Variants in RBFOX1 observed in about 807,000 individuals in gnomAD.
RBFOX1 encodes RNA binding fox-1 homolog 1.
In RBFOX1, 8 loss-of-function variants were observed where a neutral mutation model predicts 57.7. That is an observed-to-expected ratio of 0.14 (90% confidence interval 0.08 to 0.25). RBFOX1 has a LOEUF of 0.25. RBFOX1 is among the 10% of genes least tolerant of loss of function. The pLI, the probability that RBFOX1 is intolerant of heterozygous loss-of-function variation, is 1.00. For missense variants in RBFOX1, 611 were observed against 548.5 expected (o/e 1.11, Z -1.14); for synonymous variants, 326 against 222.4 (o/e 1.47, Z -4.15).
Position 6,534,906 on chromosome 16 carries a change from C to G in RBFOX1, c.-63-119697C>G, listed in dbSNP as rs556980339. ...GTCCAATGAGGCATATCCTAGTGGT[C>G]AAGCCTGGTCATATGTGCGCATTCA... is the stretch of plus-strand genomic sequence containing the variant. On this transcript the variant is annotated intron_variant, in intron 2 of 15. Transcript: ENST00000550418. Among the ~76,000 whole-genome samples the G allele has an allele frequency of 5.3e-4, 80 of 152,274 alleles. 1 individual carries two copies. Among genetic ancestry groups the G allele is most frequent in the Middle Eastern group, 6.8e-3 (2 of 294 alleles).
At chr16:5,972,321 A>C (rs1051607521) in intron 4 of RBFOX1, among the ~76,000 whole-genome samples, 1 of 152,242 alleles carries the variant, frequency 6.6e-6, no homozygotes, top group African/African-American at 2.4e-5. Context: ...TACACATGGA[A>C]AAAGAATTCC....
intron 5 of RBFOX1, among the ~76,000 whole-genome samples, chr16:7,557,907 A>G (rs2152632590): frequency 6.6e-6 from 1 of 152,280 alleles, no homozygotes; most frequent in East Asian, 1.9e-4. Flanking sequence ...ACACAGAGTT[A>G]GGAAAAAATA....
At chr16:5,344,752 A>T (rs2018842205) in intron 1 of RBFOX1, among the ~76,000 whole-genome samples, 1 of 152,210 alleles carries the variant, frequency 6.6e-6, no homozygotes, top group Admixed American at 6.5e-5. Context: ...ATATAACTTC[A>T]TGAAAAAAGT....
intron 5 of RBFOX1, among the ~76,000 whole-genome samples, chr16:7,560,817 CT>C (rs1462585724): frequency 6.6e-6 from 1 of 152,138 alleles, no homozygotes; most frequent in Admixed American, 6.5e-5. Flanking sequence ...AGAGTTTGGA[CT>C]TTTTTAGGGG....
intron 3 of RBFOX1, among the ~76,000 whole-genome samples, chr16:5,819,954 C>G (rs2055785928): frequency 1.3e-5 from 2 of 152,180 alleles, no homozygotes; most frequent in Admixed American, 6.5e-5. Flanking sequence ...TCGCATCCCA[C>G]TCTGTTGAGG....
At chr16:6,351,212 G>A (rs184836656) in intron 2 of RBFOX1, among the ~76,000 whole-genome samples, 1 of 151,244 alleles carries the variant, frequency 6.6e-6, no homozygotes, top group East Asian at 1.9e-4. Flanking sequence ...TGTGCGGATA[G>A]TAAATATACA....
intron 2 of RBFOX1, chr16:6,483,435 T>G: frequency 2.6e-6 from 4 of 1,535,482 alleles, no homozygotes; most frequent in South Asian, 2.4e-5. Flanking sequence ...CGTTTGCTGT[T>G]GCCTCGGACT....
At chr16:5,925,296 A>T (rs2152236813) in intron 4 of RBFOX1, among the ~76,000 whole-genome samples, 1 of 152,336 alleles carries the variant, frequency 6.6e-6, no homozygotes, top group Non-Finnish European at 1.5e-5. Context: ...AATGCTGTCT[A>T]CCCATACAGT....
At chr16:6,015,110 G>T (rs962380577), upstream of RBFOX1, among the ~76,000 whole-genome samples, 2 of 152,152 alleles carry the variant, frequency 1.3e-5, no homozygotes, top group Non-Finnish European at 2.9e-5. Flanking sequence ...GCCCACTTCA[G>T]CCTCCCAGAC....
At chr16:7,334,438 G>A (rs1015422482) in intron 4 of RBFOX1, among the ~76,000 whole-genome samples, 2 of 152,086 alleles carry the variant, frequency 1.3e-5, no homozygotes, top group African/African-American at 2.4e-5. Context: ...TGGAAACGTG[G>A]GGTGAAGGTC....
intron 1 of RBFOX1, among the ~76,000 whole-genome samples, chr16:6,287,238 G>A (rs2076991629): frequency 6.6e-6 from 1 of 152,128 alleles, no homozygotes; most frequent in South Asian, 2.1e-4. Flanking sequence ...AGTGGGTTAG[G>A]GGAACACAGT....
chr16:5,585,165 C>T (rs940266517), intron 2 of RBFOX1, among the ~76,000 whole-genome samples: 3 of 152,150 alleles, frequency 2.0e-5, no homozygotes, highest in Non-Finnish European at 4.4e-5. Context: ...GAACTACTCC[C>T]CATCCTGCCC....
chr16:6,892,486 A>G (rs1191139524), intron 3 of RBFOX1, among the ~76,000 whole-genome samples: 1 of 152,122 alleles, frequency 6.6e-6, no homozygotes, highest in Non-Finnish European at 1.5e-5. Context: ...CCTGGCCAAC[A>G]CGGTGAAACC....
At chr16:6,109,287 G>A (rs1431139602) in intron 1 of RBFOX1, among the ~76,000 whole-genome samples, 1 of 152,102 alleles carries the variant, frequency 6.6e-6, no homozygotes, top group Non-Finnish European at 1.5e-5. Context: ...GGATCAATAT[G>A]TAATATTTAT....
chr16:6,906,266 G>A (rs1026188566), intron 3 of RBFOX1, among the ~76,000 whole-genome samples: 1 of 151,270 alleles, frequency 6.6e-6, no homozygotes, highest in Non-Finnish European at 1.5e-5. Context: ...ACATTGTCAT[G>A]TGGAGCGGAA....
chr16:6,510,284 G>A (rs564914936), intron 2 of RBFOX1, among the ~76,000 whole-genome samples: 9 of 152,080 alleles, frequency 5.9e-5, no homozygotes, highest in Non-Finnish European at 1.2e-4. Flanking sequence ...TCTGAAAGCC[G>A]GCTTTTCAGT....
intron 3 of RBFOX1, among the ~76,000 whole-genome samples, chr16:6,857,088 G>A (rs1037779696): frequency 1.3e-5 from 2 of 152,146 alleles, no homozygotes; most frequent in Admixed American, 1.3e-4. Context: ...TATTTGTTGT[G>A]AAGTGATTGC....
intron 3 of RBFOX1, among the ~76,000 whole-genome samples, chr16:7,049,557 T>A (rs1020892531): frequency 6.6e-6 from 1 of 152,234 alleles, no homozygotes; most frequent in African/African-American, 2.4e-5. Flanking sequence ...GTGCTTCTCC[T>A]GAGTCTTTAT....
intron 4 of RBFOX1, among the ~76,000 whole-genome samples, chr16:7,159,712 C>T (rs1470178275): frequency 6.6e-6 from 1 of 152,156 alleles, no homozygotes. Context: ...ATGTGGCTGG[C>T]TAGTCTGTTG....
Sources: gnomAD v4.1 joint callset for allele counts (sites outside exome capture counted in the v4.1 genomes callset) on GRCh38, gnomAD v4.1.1 for gene constraint, MANE v1.5 for transcripts, NCBI Gene and HGNC (gene_info 2026-07-23, HGNC 2026-07-21) for gene names.